Variants in GPR149 observed in about 807,000 individuals in gnomAD.
GPR149 encodes G protein-coupled receptor 149, also known as probable G protein-coupled receptor 149.
A neutral mutation model predicts 50.2 loss-of-function variants in GPR149; 50 were observed. The ratio of observed to expected loss-of-function variants is 1.00; its 90% CI spans 0.79 to 1.26. GPR149 has a LOEUF of 1.26. Among genes scored for constraint, GPR149 ranks in the 50% most tolerant of loss-of-function variants. The pLI is 0.00. For missense variants in GPR149, 983 were observed against 895.4 expected, an observed-to-expected ratio of 1.10 and a Z score of -1.25; for synonymous variants, 405 against 358.2, an observed-to-expected ratio of 1.13 and a Z score of -1.48.
intron 2 of GPR149, among the ~76,000 whole-genome samples, chr3:154,426,637 A>C (rs2108432280): frequency 6.6e-6 from 1 of 152,310 alleles, no homozygotes; most frequent in South Asian, 2.1e-4. Context: ...CAAAATATAC[A>C]GCTCATTCCT....
At chr3:154,365,636 C>T (rs547259038) in intron 3 of GPR149, among the ~76,000 whole-genome samples, 17 of 152,296 alleles carry the variant, frequency 1.1e-4, no homozygotes, top group African/African-American at 3.8e-4. Context: ...ACCCTGAACA[C>T]TTTGCCTAGA....
At chr3:154,423,010 T>A (rs1318518335) in intron 2 of GPR149, among the ~76,000 whole-genome samples, 2 of 151,604 alleles carry the variant, frequency 1.3e-5, no homozygotes, top group Non-Finnish European at 2.9e-5. Flanking sequence ...ATGATAAAAT[T>A]GATGTCTATG....
intron 3 of GPR149, among the ~76,000 whole-genome samples, chr3:154,416,245 G>A (rs569529677): frequency 4.0e-5 from 6 of 151,738 alleles, no homozygotes; most frequent in South Asian, 2.1e-4. Flanking sequence ...AAACTCATGC[G>A]CATTCTCTAG....
At chr3:154,341,331 ATAT>A (rs1713795132) in intron 3 of GPR149, among the ~76,000 whole-genome samples, 1 of 99,418 alleles carries the variant, frequency 1.0e-5, no homozygotes, top group African/African-American at 3.7e-5. Context: ...ATATATATAT[ATAT>A]ATATATAAAA....
At chr3:154,371,015 A>C (rs1416474139) in intron 3 of GPR149, among the ~76,000 whole-genome samples, 1 of 152,164 alleles carries the variant, frequency 6.6e-6, no homozygotes, top group Non-Finnish European at 1.5e-5. Context: ...TATGGGCCTT[A>C]AAACGACAAT....
At position 154,403,408 on chromosome 3, in the gene GPR149, G is replaced by T. The variant is rs916972192; in HGVS notation, c.1623+17631C>A. Among the ~76,000 whole-genome samples, 11 of 152,284 alleles carry T rather than the reference G, an allele frequency of 7.2e-5. 1 individual carries two copies. The East Asian group carries it at 1.7e-3, about 24-fold the overall frequency. ...GCATGGGCAAAAAGGGCTTGAGGGT[G>T]TCAGCGCTTTTTATGCTACATTTCT... On this transcript the variant is annotated intron_variant, in intron 3 of 3. Coordinates refer to ENST00000389740, the MANE Select transcript of GPR149 (RefSeq NM_001038705.3).
rs1712138164 is a variant in GPR149, at chr3:154,421,331, T to A, written c.1331A>T (p.Asp444Val). ...ECETTKDPQR[D>V]NRNIFNAIKV... ...TATAGCATTGAAGATGTTACGGTTG[T>A]CTCTCTGAGGGTCTTTTGTAGTTTC... The change falls in exon 3 of 4, where the codon GAC becomes GTC. Residue 444 changes from aspartate to valine, a missense_variant. Physicochemically the swap from Asp to Val is radical, Grantham distance 152 (BLOSUM62 -3). Transcript: ENST00000389740. 1.2e-6 allele frequency: 2 copies of A among 1,613,290 alleles called. No homozygotes were observed. The highest frequency in any genetic ancestry group is 2.7e-5 in the African/African-American group (2 of 74,896).
At chr3:154,427,382 T>G in intron 2 of GPR149, 134 bp downstream of exon 2, 1 of 652,422 alleles carries the variant, frequency 1.5e-6, no homozygotes, top group Non-Finnish European at 2.5e-6. Flanking sequence ...TGTTATAATT[T>G]CTTCTCACTA....
At chr3:154,350,542 T>C (rs946340809) in intron 3 of GPR149, among the ~76,000 whole-genome samples, 43 of 152,270 alleles carry the variant, frequency 2.8e-4, no homozygotes, top group Admixed American at 2.2e-3. Flanking sequence ...AAGTTGACAA[T>C]CTGAATAAAT....
intron 3 of GPR149, among the ~76,000 whole-genome samples, chr3:154,371,603 G>A (rs1365086540): frequency 4.6e-5 from 7 of 152,152 alleles, no homozygotes; most frequent in Non-Finnish European, 1.0e-4. Context: ...TTCTCTAGCT[G>A]CAGTAGTCCT....
chr3:154,367,964 C>T (rs892068090), intron 3 of GPR149, among the ~76,000 whole-genome samples: 1 of 152,124 alleles, frequency 6.6e-6, no homozygotes, highest in African/African-American at 2.4e-5. Context: ...GCGCGGCCGC[C>T]GGACTAAAGA....
At chr3:154,371,035 C>G (rs991349730) in intron 3 of GPR149, among the ~76,000 whole-genome samples, 7 of 152,116 alleles carry the variant, frequency 4.6e-5, no homozygotes, top group African/African-American at 1.4e-4. Context: ...TTTGGAAAGG[C>G]AAAGAATGCC....
At chr3:154,376,224 AT>A (rs55866840) in intron 3 of GPR149, among the ~76,000 whole-genome samples, 102,159 of 152,108 alleles carry the variant, frequency 0.67, 35,254 homozygotes, top group Non-Finnish European at 0.76. Flanking sequence ...GTATTTGTTA[AT>A]GATTTAATTC....
intron 3 of GPR149, among the ~76,000 whole-genome samples, chr3:154,407,372 C>A (rs553611430): frequency 1.3e-5 from 2 of 149,314 alleles, no homozygotes; most frequent in African/African-American, 4.9e-5. Flanking sequence ...AAGGTAATAA[C>A]CATTTGCAAT....
intron 3 of GPR149, among the ~76,000 whole-genome samples, chr3:154,370,278 C>A (rs1018302217): frequency 1.3e-5 from 2 of 152,052 alleles, no homozygotes; most frequent in African/African-American, 4.8e-5. Flanking sequence ...TTAAACCTGG[C>A]AACCTTGGTA....
At chr3:154,410,170 C>G (rs749364909) in intron 3 of GPR149, among the ~76,000 whole-genome samples, 1 of 151,968 alleles carries the variant, frequency 6.6e-6, no homozygotes, top group Non-Finnish European at 1.5e-5. Context: ...TTTTTTCAGA[C>G]AAACAAATGC....
At chr3:154,422,905 A>T (rs1005785049) in intron 2 of GPR149, among the ~76,000 whole-genome samples, 1 of 151,784 alleles carries the variant, frequency 6.6e-6, no homozygotes, top group African/African-American at 2.4e-5. Context: ...ATGGGTTTCT[A>T]TTGTTCTCCA....
At chr3:154,384,445 A>G (rs1021537201) in intron 3 of GPR149, among the ~76,000 whole-genome samples, 3 of 152,208 alleles carry the variant, frequency 2.0e-5, no homozygotes, top group African/African-American at 7.2e-5. Flanking sequence ...TATAGTAACC[A>G]TGGAAGCCTA....
At chr3:154,425,670 C>T (rs1177357207) in intron 2 of GPR149, among the ~76,000 whole-genome samples, 2 of 151,990 alleles carry the variant, frequency 1.3e-5, no homozygotes, top group Non-Finnish European at 2.9e-5. Flanking sequence ...TCAAGTCTTT[C>T]TTTGGAATTT....
Sources: allele counts gnomAD v4.1 joint callset (sites outside exome capture counted in the v4.1 genomes callset), GRCh38; gene constraint gnomAD v4.1.1; transcripts MANE v1.5; gene names NCBI Gene and HGNC (gene_info 2026-07-23, HGNC 2026-07-21).